NCAM2: variants seen among roughly 807,000 people sequenced by gnomAD.
NCAM2 encodes N-CAM-2.
In NCAM2, 30 loss-of-function variants were observed where a neutral mutation model predicts 98.1. The observed-to-expected ratio is 0.31, with a 90% CI of 0.23 to 0.41. The LOEUF (loss-of-function observed/expected upper bound fraction) is 0.41, where lower values mean the gene tolerates loss of function less well. NCAM2 is among the 10% of genes least tolerant of loss of function. The pLI is 1.00. For synonymous variants in NCAM2, 368 were observed against 342.4 expected, an observed-to-expected ratio of 1.07 and a Z score of -0.83; for missense variants, 867 against 1,005.8, an observed-to-expected ratio of 0.86 and a Z score of 1.87.
At chr21:21,212,179 G>A (rs78278367) in intron 1 of NCAM2, among the ~76,000 whole-genome samples, 1 of 152,170 alleles carries the variant, frequency 6.6e-6, no homozygotes, top group Non-Finnish European at 1.5e-5. Flanking sequence ...GAGGTGAATG[G>A]TTAAATAAAT....
intron 1 of NCAM2, among the ~76,000 whole-genome samples, chr21:21,260,587 A>T (rs9985161): frequency 0.068 from 10,259 of 151,852 alleles, 734 homozygotes; most frequent in East Asian, 0.35. Context: ...GCCAGCCAAG[A>T]ATTTTATTTC....
chr21:21,534,677 A>T, intron 17 of NCAM2, 21 bp downstream of exon 17: 1 of 1,547,212 alleles, frequency 6.5e-7, no homozygotes, highest in Non-Finnish European at 8.7e-7. Flanking sequence ...TGGAGTGCTC[A>T]CTTATGTTCA....
At position 21,292,255 on chromosome 21, in the gene NCAM2, A is replaced by G. The variant is rs754157429; in HGVS notation, c.619+14A>G. The G allele has an allele frequency of 5.0e-6, 8 of 1,596,622 alleles. No individual in the cohort carries two copies. The highest frequency in any genetic ancestry group is 2.3e-5 in the East Asian group (1 of 44,304). On this transcript the variant is annotated intron_variant, in intron 5 of 17. Coordinates refer to ENST00000400546, the MANE Select transcript of NCAM2 (RefSeq NM_004540.5). ...TTATTGTTAATGGTAAGCAGTAAAT[A>G]ATTTGTACATGTTTTATGGATTCAT...
intron 5 of NCAM2, among the ~76,000 whole-genome samples, chr21:21,311,008 T>C (rs1010762669): frequency 6.6e-6 from 1 of 152,216 alleles, no homozygotes; most frequent in South Asian, 2.1e-4. Flanking sequence ...GCAATGCACT[T>C]AAAATCAGGT....
At chr21:21,183,857 G>GA (rs899846108) in intron 1 of NCAM2, among the ~76,000 whole-genome samples, 20 of 149,540 alleles carry the variant, frequency 1.3e-4, no homozygotes, top group Admixed American at 6.0e-4. Flanking sequence ...GAAAAATAAC[G>GA]AAAAAAAAAT....
chr21:21,388,353 T>C (rs1223589654), intron 9 of NCAM2, among the ~76,000 whole-genome samples: 3 of 151,890 alleles, frequency 2.0e-5, no homozygotes, highest in Admixed American at 6.6e-5. Context: ...ATAAAGAAAA[T>C]ATGGTAAGAG....
chr21:21,116,010 T>G (rs566301984), intron 1 of NCAM2, among the ~76,000 whole-genome samples: 25 of 90,190 alleles, frequency 2.8e-4, no homozygotes, highest in Non-Finnish European at 5.0e-4. Context: ...TCTTTCATGC[T>G]GAGATTGTGT....
intron 11 of NCAM2, among the ~76,000 whole-genome samples, chr21:21,430,316 C>G (rs1432401091): frequency 6.7e-6 from 1 of 148,468 alleles, no homozygotes; most frequent in Non-Finnish European, 1.5e-5. Context: ...TGTAAGCCAT[C>G]ATGCCCAGCC....
At chr21:21,045,856 G>A (rs1207556902) in intron 1 of NCAM2, among the ~76,000 whole-genome samples, 1 of 152,262 alleles carries the variant, frequency 6.6e-6, no homozygotes. Flanking sequence ...GGGAAGTGTT[G>A]CTGTCTTTCA....
At chr21:21,270,563 T>G (rs1340855635) in intron 1 of NCAM2, among the ~76,000 whole-genome samples, 1 of 152,222 alleles carries the variant, frequency 6.6e-6, no homozygotes, top group Admixed American at 6.5e-5. Flanking sequence ...GCAATAATGT[T>G]TACTTATGTT....
chr21:21,113,521 A>G (rs1000889714), intron 1 of NCAM2, among the ~76,000 whole-genome samples: 6 of 152,282 alleles, frequency 3.9e-5, no homozygotes, highest in Non-Finnish European at 4.4e-5. Context: ...GAGTTGTGAG[A>G]CAAACTAGTT....
intron 1 of NCAM2, among the ~76,000 whole-genome samples, chr21:21,218,247 T>G (rs1391143061): frequency 6.6e-6 from 1 of 152,134 alleles, no homozygotes; most frequent in Non-Finnish European, 1.5e-5. Flanking sequence ...AACAGTCCAG[T>G]GCGCAGTAAA....
In NCAM2 at chr21:21,401,997, G is replaced by A. The variant is rs568209409; in HGVS notation, c.1196-8277G>A. Reference sequence around the variant, plus strand: ...TTAATCTCTTAATCCTGTTATCTTCGTAAGCTGAGGATGTAAGTCACCTCA... The same window carrying A: ...TTAATCTCTTAATCCTGTTATCTTCATAAGCTGAGGATGTAAGTCACCTCA... On this transcript the variant is annotated intron_variant, in intron 9 of 17. Transcript: ENST00000400546. Among the ~76,000 whole-genome samples, 68 of 152,140 alleles carry A rather than the reference G, an allele frequency of 4.5e-4. No homozygotes were observed. In the South Asian group the frequency reaches 0.013, roughly 30 times the overall value.
At chr21:21,284,526 A>G (rs1464724200) in intron 3 of NCAM2, 126 bp downstream of exon 3, 5 of 718,904 alleles carry the variant, frequency 7.0e-6, no homozygotes, top group South Asian at 3.6e-5. Flanking sequence ...CAGTTTATTT[A>G]TGCTTTACCA....
intron 9 of NCAM2, among the ~76,000 whole-genome samples, chr21:21,381,291 T>A (rs776195551): frequency 7.2e-5 from 11 of 152,002 alleles, no homozygotes; most frequent in Non-Finnish European, 1.5e-4. Context: ...ACTTTGCCCA[T>A]GGGCTATAAT....
intron 8 of NCAM2, among the ~76,000 whole-genome samples, chr21:21,349,330 C>T (rs888969235): frequency 6.6e-6 from 1 of 152,038 alleles, no homozygotes; most frequent in Non-Finnish European, 1.5e-5. Flanking sequence ...TGAAAAGGTG[C>T]TCAATGTCAT....
rs1173257809 is a variant in NCAM2, at chr21:21,334,698, C to A, written c.738-807C>A. On this transcript the variant is annotated intron_variant, in intron 6 of 17. Transcript: ENST00000400546. ...GAGAATACACAATATAAAACGATTT[C>A]ACAAATACCGAGGGAAATCATAGAA... 6.6e-5 allele frequency among the ~76,000 whole-genome samples: 10 copies of A among 151,930 alleles called. No homozygotes were observed. In the East Asian group the frequency reaches 1.9e-3, roughly 30 times the overall value.
chr21:21,024,171 A>G (rs1037892532), intron 1 of NCAM2, among the ~76,000 whole-genome samples: 1 of 152,240 alleles, frequency 6.6e-6, no homozygotes, highest in Admixed American at 6.5e-5. Flanking sequence ...GTGTGCATGA[A>G]TGCTGACAAT....
At chr21:21,323,182 CAG>C (rs1366787570) in intron 5 of NCAM2, among the ~76,000 whole-genome samples, 1 of 152,052 alleles carries the variant, frequency 6.6e-6, no homozygotes, top group Admixed American at 6.6e-5. Flanking sequence ...GGAAGAAAAA[CAG>C]GGTACAGATA....
Sources: gnomAD v4.1 joint callset for allele counts (sites outside exome capture counted in the v4.1 genomes callset) on GRCh38, gnomAD v4.1.1 for gene constraint, MANE v1.5 for transcripts, NCBI Gene and HGNC (gene_info 2026-07-23, HGNC 2026-07-21) for gene names.